SLIT3: variants seen among roughly 807,000 people sequenced by gnomAD.
SLIT3 encodes slit guidance ligand 3.
In SLIT3, 68 loss-of-function variants were observed where a neutral mutation model predicts 184.0. The observed-to-expected ratio is 0.37, with a 90% CI of 0.30 to 0.45. The LOEUF (loss-of-function observed/expected upper bound fraction) is 0.45, where lower values mean the gene tolerates loss of function less well. SLIT3 is among the 20% of genes least tolerant of loss of function. The probability of loss-of-function intolerance (pLI) is 1.00; values close to 1 mark genes in which losing one functional copy is unlikely to be tolerated. For synonymous variants in SLIT3, 831 were observed against 828.6 expected, an observed-to-expected ratio of 1.00 and a Z score of -0.05; for missense variants, 1,707 against 2,026.0, an observed-to-expected ratio of 0.84 and a Z score of 3.02.
At chr5:169,264,072 C>A (rs982466707) in intron 1 of SLIT3, among the ~76,000 whole-genome samples, 4 of 150,476 alleles carry the variant, frequency 2.7e-5, no homozygotes, top group African/African-American at 7.3e-5. Flanking sequence ...CCAAAAAAAA[C>A]CACTGAAAAA....
At chr5:169,058,980 A>G (rs919063763) in intron 4 of SLIT3, among the ~76,000 whole-genome samples, 2 of 152,214 alleles carry the variant, frequency 1.3e-5, no homozygotes, top group Non-Finnish European at 2.9e-5. Flanking sequence ...AGGACGTTGC[A>G]GTGTCCAAAG....
At chr5:168,877,674 A>C (rs1056256636) in intron 5 of SLIT3, among the ~76,000 whole-genome samples, 1 of 152,176 alleles carries the variant, frequency 6.6e-6, no homozygotes, top group African/African-American at 2.4e-5. Context: ...AACACAGACT[A>C]ACTAGAGAAC....
chr5:168,788,504 C>G (rs1181697819), intron 11 of SLIT3, among the ~76,000 whole-genome samples: 2 of 152,170 alleles, frequency 1.3e-5, no homozygotes, highest in East Asian at 3.9e-4. Context: ...TGGAGCCAGA[C>G]AGCATGGGTT....
At chr5:168,787,212 T>G (rs1024695847) in intron 11 of SLIT3, among the ~76,000 whole-genome samples, 1 of 152,258 alleles carries the variant, frequency 6.6e-6, no homozygotes, top group African/African-American at 2.4e-5. Context: ...CACCGCTCAC[T>G]GTGCCAAATG....
At chr5:169,129,150 T>A (rs1312013078) in intron 4 of SLIT3, among the ~76,000 whole-genome samples, 1 of 152,174 alleles carries the variant, frequency 6.6e-6, no homozygotes, top group Non-Finnish European at 1.5e-5. Flanking sequence ...CGTCACTCCA[T>A]TGTTTCCCTG....
At chr5:168,731,240 T>C (rs1475384510) in intron 20 of SLIT3, among the ~76,000 whole-genome samples, 1 of 151,954 alleles carries the variant, frequency 6.6e-6, no homozygotes, top group Non-Finnish European at 1.5e-5. Flanking sequence ...CAGGAATAAG[T>C]AGAACTTCTG....
chr5:169,137,345 G>C (rs1333983683), intron 4 of SLIT3, among the ~76,000 whole-genome samples: 5 of 151,510 alleles, frequency 3.3e-5, no homozygotes, highest in Non-Finnish European at 5.9e-5. Context: ...CAGAGAGAGA[G>C]AGAGAGAGAG....
chr5:168,905,056 A>C (rs1761000399), intron 4 of SLIT3, among the ~76,000 whole-genome samples: 1 of 152,202 alleles, frequency 6.6e-6, no homozygotes, highest in African/African-American at 2.4e-5. Context: ...GTGCACCTGT[A>C]GTCCCAGCTA....
At chr5:168,999,015 G>A (rs527667403) in intron 4 of SLIT3, among the ~76,000 whole-genome samples, 1 of 152,130 alleles carries the variant, frequency 6.6e-6, no homozygotes, top group African/African-American at 2.4e-5. Context: ...CCAGACTCAA[G>A]TGATTATCCC....
chr5:168,735,700 ACACAC>A lies in SLIT3; in HGVS notation c.2271-11221_2271-11217del, dbSNP rs1355210379. On this transcript the variant is annotated intron_variant, in intron 20 of 35. Coordinates refer to ENST00000519560, the MANE Select transcript of SLIT3 (RefSeq NM_003062.4). ...CACACACACACACACACACACACAC[ACACAC>A]ATCTCCATCCAATAATACACATAGC... is the stretch of plus-strand genomic sequence containing the variant. Among the ~76,000 whole-genome samples, 804 of 148,132 alleles carry A rather than the reference ACACAC, an allele frequency of 5.4e-3. 8 individuals carry two copies. Among genetic ancestry groups the A allele is most frequent in the African/African-American group, 0.019 (724 of 38,502 alleles).
At chr5:168,851,615 A>C (rs1758682652) in intron 5 of SLIT3, among the ~76,000 whole-genome samples, 1 of 152,148 alleles carries the variant, frequency 6.6e-6, no homozygotes, top group Admixed American at 6.5e-5. Context: ...TCCTGTGGTC[A>C]TCCCCATGTT....
chr5:168,974,606 CT>C (rs1754687442), intron 4 of SLIT3, among the ~76,000 whole-genome samples: 1 of 152,160 alleles, frequency 6.6e-6, no homozygotes, highest in South Asian at 2.1e-4. Flanking sequence ...ATCCGTAGAA[CT>C]TTTCCTCTTA....
chr5:169,219,491 A>C (rs1490357499), intron 3 of SLIT3, among the ~76,000 whole-genome samples: 1 of 152,214 alleles, frequency 6.6e-6, no homozygotes, highest in African/African-American at 2.4e-5. Context: ...TCAGGTGCAG[A>C]ATGCACCTCT....
At chr5:168,720,666 G>C (rs1762914588) in intron 23 of SLIT3, 1 of 152,196 alleles carries the variant, frequency 6.6e-6, no homozygotes, top group African/African-American at 2.4e-5. Flanking sequence ...TGGAAACAGG[G>C]AAATGGTTGT....
At chr5:168,939,993 T>C (rs1581229472) in intron 4 of SLIT3, among the ~76,000 whole-genome samples, 1 of 152,168 alleles carries the variant, frequency 6.6e-6, no homozygotes, top group African/African-American at 2.4e-5. Context: ...GTAGCAGAGA[T>C]GGGATTGAAT....
At chr5:168,782,855 C>T (rs994350574) in intron 12 of SLIT3, among the ~76,000 whole-genome samples, 5 of 152,110 alleles carry the variant, frequency 3.3e-5, no homozygotes, top group African/African-American at 4.8e-5. Context: ...ACAATAAATG[C>T]GTGTTTATAC....
chr5:169,020,286 C>T (rs1416347708), intron 4 of SLIT3, among the ~76,000 whole-genome samples: 1 of 152,138 alleles, frequency 6.6e-6, no homozygotes, highest in East Asian at 1.9e-4. Flanking sequence ...CTCCCAGTCT[C>T]CTTTGCAGTT....
At chr5:168,818,875 C>T (rs867368837) in intron 7 of SLIT3, among the ~76,000 whole-genome samples, 48 of 152,384 alleles carry the variant, frequency 3.1e-4, no homozygotes, top group African/African-American at 7.5e-4. Context: ...CCTTGGCCGC[C>T]GCAGGGGGCT....
intron 32 of SLIT3, among the ~76,000 whole-genome samples, chr5:168,676,921 C>T (rs575743673): frequency 2.6e-5 from 4 of 152,350 alleles, no homozygotes; most frequent in Non-Finnish European, 5.9e-5. Context: ...TCCCTTCCTG[C>T]CATCCCAGGT....
Sources: allele counts gnomAD v4.1 joint callset (sites outside exome capture counted in the v4.1 genomes callset), GRCh38; gene constraint gnomAD v4.1.1; transcripts MANE v1.5; gene names NCBI Gene and HGNC (gene_info 2026-07-23, HGNC 2026-07-21).